The following ZFAND3 variants were observed in gnomAD, a reference collection of about 807,000 sequenced individuals.
ZFAND3 encodes zinc finger AN1-type containing 3.
A neutral mutation model predicts 29.6 loss-of-function variants in ZFAND3; 10 were observed. The ratio of observed to expected loss-of-function variants is 0.34; its 90% CI spans 0.21 to 0.57. The LOEUF is 0.57. ZFAND3 is among the 20% of genes least tolerant of loss of function. The pLI, the probability that ZFAND3 is intolerant of heterozygous loss-of-function variation, is 0.86. For synonymous variants in ZFAND3, 128 were observed against 112.6 expected, an observed-to-expected ratio of 1.14 and a Z score of -0.87; for missense variants, 230 against 304.5, an observed-to-expected ratio of 0.76 and a Z score of 1.82.
chr6:38,069,822 A>AC (rs1764417305), intron 3 of ZFAND3, among the ~76,000 whole-genome samples: 1 of 152,202 alleles, frequency 6.6e-6, no homozygotes, highest in South Asian at 2.1e-4. Context: ...GTATCATCTG[A>AC]CCTTCCATTT....
At chr6:37,978,166 G>GTGCC (rs1762521850) in intron 2 of ZFAND3, among the ~76,000 whole-genome samples, 1 of 152,010 alleles carries the variant, frequency 6.6e-6, no homozygotes, top group South Asian at 2.1e-4. Flanking sequence ...AACTGAGACT[G>GTGCC]TGCCTGGCTG....
chr6:37,827,691 G>A (rs1286639598), intron 1 of ZFAND3, among the ~76,000 whole-genome samples: 1 of 152,240 alleles, frequency 6.6e-6, no homozygotes, highest in African/African-American at 2.4e-5. Flanking sequence ...GGACAGAGCT[G>A]CAACAGTGCC....
At position 38,153,961 on chromosome 6, in the gene ZFAND3, C is replaced by A. The variant is rs1045769340; in HGVS notation, c.*1572C>A. On this transcript the variant is annotated 3_prime_UTR_variant, in exon 6 of 6. Coordinates refer to ENST00000287218, the MANE Select transcript of ZFAND3 (RefSeq NM_021943.3). ...CTGCAAATTAACAGCTGAACACCTG[C>A]AACTGCAAATGTTTTTTGATCCGAC... 1.0e-6 allele frequency: 1 copy of A among 985,380 alleles called. No homozygotes were observed. The highest frequency in any genetic ancestry group is 1.7e-5 in the African/African-American group (1 of 57,256). The allele number at this position is 985,380 out of a possible 1,614,324, so 61.0% of individuals were successfully genotyped here.
At chr6:38,101,664 C>T (rs555927871) in intron 4 of ZFAND3, among the ~76,000 whole-genome samples, 213 of 149,220 alleles carry the variant, frequency 1.4e-3, no homozygotes, top group Non-Finnish European at 2.7e-3. Context: ...ATCCCAGCCA[C>T]TTGGGAGGCT....
chr6:37,879,161 A>G (rs1325799584), intron 1 of ZFAND3, among the ~76,000 whole-genome samples: 1 of 152,224 alleles, frequency 6.6e-6, no homozygotes, highest in East Asian at 1.9e-4. Context: ...CTTACAAAGT[A>G]TACCTTGGAG....
chr6:38,080,379 G>A (rs759646292), intron 3 of ZFAND3, among the ~76,000 whole-genome samples: 8 of 151,744 alleles, frequency 5.3e-5, no homozygotes, highest in South Asian at 2.1e-4. Context: ...CTTAATGAAC[G>A]TTATTAAGCA....
At chr6:37,909,256 G>A (rs1412415042) in intron 1 of ZFAND3, among the ~76,000 whole-genome samples, 1 of 151,204 alleles carries the variant, frequency 6.6e-6, no homozygotes, top group African/African-American at 2.4e-5. Flanking sequence ...CTGACAAAAC[G>A]AGATTTTTTT....
chr6:37,884,910 A>G (rs1764962293), intron 1 of ZFAND3, among the ~76,000 whole-genome samples: 1 of 152,228 alleles, frequency 6.6e-6, no homozygotes, highest in South Asian at 2.1e-4. Flanking sequence ...TTTTGAATTC[A>G]TCTATATTTT....
At chr6:38,012,987 A>T (rs1763185424) in intron 2 of ZFAND3, among the ~76,000 whole-genome samples, 1 of 152,226 alleles carries the variant, frequency 6.6e-6, no homozygotes, top group African/African-American at 2.4e-5. Context: ...TTATTTGGGT[A>T]CTAGGATTAT....
At chr6:37,962,620 TA>T (rs2127425070) in intron 2 of ZFAND3, among the ~76,000 whole-genome samples, 1 of 152,212 alleles carries the variant, frequency 6.6e-6, no homozygotes, top group Admixed American at 6.5e-5. Flanking sequence ...CAGCACTCTG[TA>T]AAAACGCACC....
chr6:37,881,587 TAGAAA>T (rs1447036227), intron 1 of ZFAND3, among the ~76,000 whole-genome samples: 2 of 152,250 alleles, frequency 1.3e-5, no homozygotes, highest in African/African-American at 4.8e-5. Flanking sequence ...TTTCACTAAT[TAGAAA>T]AGAAAACAGC....
At chr6:38,001,229 A>G (rs1022102694) in intron 2 of ZFAND3, among the ~76,000 whole-genome samples, 24 of 152,202 alleles carry the variant, frequency 1.6e-4, no homozygotes, top group African/African-American at 5.8e-4. Flanking sequence ...CTGGAGTAGG[A>G]CAGTCCCAAC....
intron 1 of ZFAND3, among the ~76,000 whole-genome samples, chr6:37,896,520 TTC>T (rs1346696171): frequency 1.9e-5 from 2 of 104,660 alleles, no homozygotes; most frequent in Admixed American, 1.9e-4. Flanking sequence ...TTTCTTTTCT[TTC>T]TTTCTTTCTT....
intron 2 of ZFAND3, among the ~76,000 whole-genome samples, chr6:37,961,754 C>T (rs904623088): frequency 9.2e-5 from 14 of 152,170 alleles, no homozygotes; most frequent in African/African-American, 2.7e-4. Flanking sequence ...TGTCCAAGAC[C>T]GTCAAGGTGG....
chr6:37,959,784 A>C (rs1028141234), intron 2 of ZFAND3, among the ~76,000 whole-genome samples: 8 of 152,180 alleles, frequency 5.3e-5, no homozygotes, highest in South Asian at 2.1e-4. Context: ...AATTAAATTA[A>C]GACTAAATAG....
intron 2 of ZFAND3, among the ~76,000 whole-genome samples, chr6:37,935,519 CATT>C (rs1449238622): frequency 6.6e-6 from 1 of 152,024 alleles, no homozygotes; most frequent in Non-Finnish European, 1.5e-5. Context: ...TATTGTCACT[CATT>C]AGTGGGTAGA....
intron 2 of ZFAND3, among the ~76,000 whole-genome samples, chr6:38,015,817 G>A (rs114665461): frequency 0.026 from 3,933 of 152,246 alleles, 70 homozygotes; most frequent in Non-Finnish European, 0.041. Context: ...AAACAGAGAA[G>A]GGTATAGGAT....
At chr6:38,091,233 C>T (rs1383618592) in intron 4 of ZFAND3, among the ~76,000 whole-genome samples, 1 of 151,456 alleles carries the variant, frequency 6.6e-6, no homozygotes, top group East Asian at 1.9e-4. Flanking sequence ...TTGAGCTTTT[C>T]GTGATTCACA....
At chr6:37,881,679 A>G (rs1470667557) in intron 1 of ZFAND3, among the ~76,000 whole-genome samples, 3 of 152,212 alleles carry the variant, frequency 2.0e-5, no homozygotes, top group African/African-American at 4.8e-5. Flanking sequence ...GAACATAACA[A>G]TAGAGCACTA....
Sources: allele counts gnomAD v4.1 joint callset (sites outside exome capture counted in the v4.1 genomes callset), GRCh38; gene constraint gnomAD v4.1.1; transcripts MANE v1.5; gene names NCBI Gene and HGNC (gene_info 2026-07-23, HGNC 2026-07-21).